LRP1B: variants seen among roughly 807,000 people sequenced by gnomAD.
LRP1B encodes the protein LDL receptor related protein 1B.
In LRP1B, 217 loss-of-function variants were observed where a neutral mutation model predicts 556.6. That is an observed-to-expected ratio of 0.39 (90% CI 0.35 to 0.44). The LOEUF is 0.44. Ranked by LOEUF, LRP1B falls within the 20% of genes least tolerant of loss-of-function variation. LRP1B has a pLI of 1.00. For missense variants in LRP1B, 5,053 were observed against 5,620.8 expected, an observed-to-expected ratio of 0.90 and a Z score of 3.23; for synonymous variants, 2,047 against 1,865.8, an observed-to-expected ratio of 1.10 and a Z score of -2.50.
chr2:140,318,711 G>T (rs1684641305), intron 82 of LRP1B, among the ~76,000 whole-genome samples: 1 of 151,932 alleles, frequency 6.6e-6, no homozygotes, highest in African/African-American at 2.4e-5. Context: ...ATTGTGTGAC[G>T]ATTAACAGAG....
chr2:140,657,260 T>C (rs2105332330), intron 41 of LRP1B, among the ~76,000 whole-genome samples: 1 of 152,096 alleles, frequency 6.6e-6, no homozygotes, highest in East Asian at 1.9e-4. Context: ...TACTTCATAA[T>C]ATAGGGAAGT....
At chr2:141,488,601 G>A (rs557627342) in intron 2 of LRP1B, among the ~76,000 whole-genome samples, 233 of 152,034 alleles carry the variant, frequency 1.5e-3, no homozygotes, top group African/African-American at 5.1e-3. Context: ...TAGGACTACA[G>A]GCTTGTGTCA....
intron 21 of LRP1B, among the ~76,000 whole-genome samples, chr2:140,918,393 T>C (rs1694642968): frequency 6.6e-6 from 1 of 152,210 alleles, no homozygotes. Context: ...AATAAATATC[T>C]TTGTACATCT....
chr2:140,674,691 T>C (rs186211829), intron 41 of LRP1B, among the ~76,000 whole-genome samples: 1 of 152,316 alleles, frequency 6.6e-6, no homozygotes, highest in Non-Finnish European at 1.5e-5. Context: ...CCAAACACCT[T>C]GGGCACGTGT....
At chr2:140,438,553 G>T (rs1015287469) in intron 66 of LRP1B, among the ~76,000 whole-genome samples, 1 of 152,140 alleles carries the variant, frequency 6.6e-6, no homozygotes, top group Admixed American at 6.5e-5. Flanking sequence ...GAAAATAAAA[G>T]AACATGTTGA....
chr2:141,002,227 G>GA (rs5834797), intron 15 of LRP1B, among the ~76,000 whole-genome samples: 3,567 of 150,704 alleles, frequency 0.024, 68 homozygotes, highest in South Asian at 0.035. Flanking sequence ...CATTACTAAA[G>GA]AAAAAAAAAC....
At chr2:141,004,035 T>G (rs1467093789) in intron 15 of LRP1B, among the ~76,000 whole-genome samples, 1 of 152,084 alleles carries the variant, frequency 6.6e-6, no homozygotes, top group Non-Finnish European at 1.5e-5. Flanking sequence ...TTTTGAAAAA[T>G]GCATCTTTTC....
intron 3 of LRP1B, among the ~76,000 whole-genome samples, chr2:141,260,403 G>A (rs764874331): frequency 6.6e-5 from 10 of 152,172 alleles, no homozygotes; most frequent in Non-Finnish European, 1.2e-4. Context: ...TTTCACAAAT[G>A]TATGCGAGTA....
chr2:141,100,358 G>A lies in LRP1B; in HGVS notation c.1014-38085C>T, dbSNP rs116214117. Among the ~76,000 whole-genome samples the A allele has an allele frequency of 8.1e-3, 1,234 of 152,272 alleles. 18 individuals carry two copies. The highest frequency in any genetic ancestry group is 0.029 in the African/African-American group (1,185 of 41,564). On this transcript the variant is annotated intron_variant, in intron 7 of 90. Coordinates refer to ENST00000389484, the MANE Select transcript of LRP1B (RefSeq NM_018557.3). Reference sequence around the variant, plus strand: ...GAGCTCACAGCAAATTCTAAAAAGAGCAAGAAACGGTTGGGGCAGACCTCT... The same window carrying A: ...GAGCTCACAGCAAATTCTAAAAAGAACAAGAAACGGTTGGGGCAGACCTCT...
At chr2:140,572,689 C>T (rs1681368537) in intron 43 of LRP1B, among the ~76,000 whole-genome samples, 1 of 151,646 alleles carries the variant, frequency 6.6e-6, no homozygotes, top group Non-Finnish European at 1.5e-5. Context: ...TGTGTTATTA[C>T]AGCACTATTC....
Position 141,205,003 on chromosome 2 carries a change from A to G in LRP1B, c.851-16420T>C, listed in dbSNP as rs563321863. Among the ~76,000 whole-genome samples, 10 of 152,328 alleles carry G rather than the reference A, an allele frequency of 6.6e-5. No homozygotes were observed. In the East Asian group the frequency reaches 1.9e-3, roughly 29 times the overall value. ...GTATATGAGGCATATACATTACATA[A>G]TAGCTCAATGCCTATCTTAGGTATA... On this transcript the variant is annotated intron_variant, in intron 6 of 90. Coordinates refer to ENST00000389484, the MANE Select transcript of LRP1B (RefSeq NM_018557.3).
intron 31 of LRP1B, among the ~76,000 whole-genome samples, chr2:140,832,889 T>C (rs1691765432): frequency 2.7e-5 from 3 of 111,984 alleles, no homozygotes. Context: ...AGAAGAGATG[T>C]TCCCAATGTA....
rs558517054 is a variant in LRP1B, at chr2:140,596,093, T to G, written c.7194+2538A>C. On this transcript the variant is annotated intron_variant, in intron 43 of 90. Coordinates refer to ENST00000389484, the MANE Select transcript of LRP1B (RefSeq NM_018557.3). ...AATACTAAAAGCAAAGAGAAAATTC[T>G]TATATAACAGGCCATAGTAGAGTTG... is the stretch of plus-strand genomic sequence containing the variant. Among the ~76,000 whole-genome samples the G allele has an allele frequency of 3.3e-5, 5 of 152,262 alleles. No homozygotes were observed. The South Asian group carries it at 1.0e-3, about 32-fold the overall frequency.
At chr2:141,229,543 T>G in intron 5 of LRP1B, 103 bp from the exon 6 acceptor site, 1 of 873,498 alleles carries the variant, frequency 1.1e-6, no homozygotes, top group Non-Finnish European at 1.7e-6. Flanking sequence ...TTTAATAAAT[T>G]CATAACAAAA....
At chr2:141,935,096 T>A (rs2105002683) in intron 1 of LRP1B, among the ~76,000 whole-genome samples, 1 of 152,194 alleles carries the variant, frequency 6.6e-6, no homozygotes, top group Admixed American at 6.5e-5. Context: ...ATTTCTCCAT[T>A]GTAAAAATAA....
intron 83 of LRP1B, among the ~76,000 whole-genome samples, chr2:140,300,926 AC>A (rs1683794090): frequency 1.3e-5 from 2 of 152,066 alleles, no homozygotes; most frequent in Non-Finnish European, 2.9e-5. Context: ...AGTGAGATTC[AC>A]CTTTTTTAGG....
chr2:141,425,698 T>G (rs936390337), intron 3 of LRP1B, among the ~76,000 whole-genome samples: 7 of 151,890 alleles, frequency 4.6e-5, no homozygotes, highest in Non-Finnish European at 1.0e-4. Flanking sequence ...TCATGTGCCT[T>G]TTGGCTGCAT....
intron 1 of LRP1B, among the ~76,000 whole-genome samples, chr2:141,850,583 G>GTATATATA (rs70994457): frequency 2.7e-4 from 39 of 142,708 alleles, no homozygotes; most frequent in Admixed American, 8.5e-4. Flanking sequence ...ATGTGTGTAT[G>GTATATATA]TATATATATA....
intron 1 of LRP1B, among the ~76,000 whole-genome samples, chr2:142,023,815 CTACT>C (rs1703419617): frequency 6.6e-6 from 1 of 152,068 alleles, no homozygotes; most frequent in Admixed American, 6.5e-5. Context: ...TGTTTGCCTC[CTACT>C]GTTTTGTGCC....
Sources: gnomAD v4.1 joint callset for allele counts (sites outside exome capture counted in the v4.1 genomes callset) on GRCh38, gnomAD v4.1.1 for gene constraint, MANE v1.5 for transcripts, NCBI Gene and HGNC (gene_info 2026-07-23, HGNC 2026-07-21) for gene names.